PLEKHA7: variants seen among roughly 807,000 people sequenced by gnomAD.
PLEKHA7 encodes pleckstrin homology domain containing A7.
In PLEKHA7, 104 loss-of-function variants were observed where a neutral mutation model predicts 170.0. The observed-to-expected ratio is 0.61, with a 90% confidence interval of 0.52 to 0.72. PLEKHA7 has a LOEUF of 0.72. PLEKHA7 is among the 30% of genes least tolerant of loss of function. The pLI is 0.00. For synonymous variants in PLEKHA7, 648 were observed against 660.8 expected, an observed-to-expected ratio of 0.98 and a Z score of 0.30; for missense variants, 1,615 against 1,671.7, an observed-to-expected ratio of 0.97 and a Z score of 0.59.
At chr11:16,913,587 G>A (rs1413546284) in intron 3 of PLEKHA7, among the ~76,000 whole-genome samples, 4 of 152,212 alleles carry the variant, frequency 2.6e-5, no homozygotes, top group South Asian at 2.1e-4. Context: ...GAGGGGAAGC[G>A]ACAGCAGGTG....
Position 16,791,133 on chromosome 11 carries a change from C to T in PLEKHA7, c.2812G>A (p.Val938Met). The T allele has an allele frequency of 6.2e-7, 1 of 1,613,930 alleles. No individual in the cohort carries two copies. Among genetic ancestry groups the T allele is most frequent in the Middle Eastern group, 1.6e-4 (1 of 6,062 alleles). The change falls in exon 20 of 27, where the codon GTG becomes ATG. Residue 938 changes from valine (V) to methionine (M), a missense_variant. Coordinates refer to ENST00000531066, the MANE Select transcript of PLEKHA7 (RefSeq NM_001329630.2). The surrounding 1 kb of genome is among the most constrained non-coding windows in gnomAD (Gnocchi z 4.5). ...LYSPEDQPPA[V>M]PPLPREATII... Reference sequence around the variant, plus strand: ...GTGGCCTCTCTTGGCAGAGGCGGCACAGCCGGGGGCTGGTCCTCTGGGCTG... The same window carrying T: ...GTGGCCTCTCTTGGCAGAGGCGGCATAGCCGGGGGCTGGTCCTCTGGGCTG...
intron 2 of PLEKHA7, 22 bp downstream of exon 2, chr11:17,014,103 C>T (rs566394768): frequency 6.3e-7 from 1 of 1,590,700 alleles, no homozygotes; most frequent in Non-Finnish European, 8.5e-7. Context: ...GCGCGCCCCC[C>T]ACCCGCCGGC....
chr11:16,862,270 C>T (rs1484297421), intron 4 of PLEKHA7, among the ~76,000 whole-genome samples: 2 of 152,182 alleles, frequency 1.3e-5, no homozygotes, highest in East Asian at 3.9e-4. Flanking sequence ...CCCATAAGCA[C>T]TGTGTGCCGC....
chr11:16,824,858 C>A (rs392441), intron 10 of PLEKHA7, among the ~76,000 whole-genome samples: 1 of 152,048 alleles, frequency 6.6e-6, no homozygotes, highest in Admixed American at 6.5e-5. Flanking sequence ...TCAGCAGTAA[C>A]GTCATCTTAC....
chr11:16,802,782 A>G (rs1848685021), intron 15 of PLEKHA7, among the ~76,000 whole-genome samples, 190 bp downstream of exon 15: 1 of 152,122 alleles, frequency 6.6e-6, no homozygotes, highest in Admixed American at 6.5e-5. Flanking sequence ...TCCTGACCTC[A>G]TGATCCACCT....
At chr11:16,870,407 T>C (rs764684843) in intron 4 of PLEKHA7, among the ~76,000 whole-genome samples, 1 of 151,902 alleles carries the variant, frequency 6.6e-6, no homozygotes, top group Non-Finnish European at 1.5e-5. Context: ...GGCAGGAGGA[T>C]TGCTTCAGCT....
chr11:17,014,341 G>T lies in PLEKHA7; in HGVS notation c.61C>A (p.Arg21=), dbSNP rs753261123. The change falls in exon 1 of 27, where the codon CGG becomes AGG. Residue 21 remains arginine (R), a synonymous_variant. Transcript: ENST00000531066. The part of the protein sequence containing the change: ...LPEHWSYGVC[R]DGRVFFINDQ... ...TTGATGAAGAAGACGCGGCCATCCC[G>T]GCACACCCCGTAGGACCAATGCTCA... 5.0e-5 allele frequency: 73 copies of T among 1,449,916 alleles called. 1 individual carries two copies. The South Asian group carries it at 8.8e-4, about 18-fold the overall frequency. The allele number at this position is 1,449,916 out of a possible 1,614,324, so 89.8% of individuals were successfully genotyped here.
At chr11:16,862,002 C>T (rs1441010506) in intron 4 of PLEKHA7, among the ~76,000 whole-genome samples, 1 of 152,164 alleles carries the variant, frequency 6.6e-6, no homozygotes, top group South Asian at 2.1e-4. Flanking sequence ...TCCCTCCACA[C>T]CCCCTCTTCT....
At chr11:16,980,527 C>T (rs1863360784) in intron 3 of PLEKHA7, among the ~76,000 whole-genome samples, 1 of 152,200 alleles carries the variant, frequency 6.6e-6, no homozygotes, top group Admixed American at 6.5e-5. Flanking sequence ...CTCAGTAAGG[C>T]ATGGCGGATG....
At chr11:16,872,574 C>G (rs1259813216) in intron 3 of PLEKHA7, among the ~76,000 whole-genome samples, 1 of 152,068 alleles carries the variant, frequency 6.6e-6, no homozygotes, top group East Asian at 1.9e-4. Context: ...GGTGGGAATG[C>G]AGTGGGGTGA....
rs146136572 is a variant in PLEKHA7 at position 16,940,073 on chromosome 11, T to C, written c.222-68891A>G. ...AAGAAGGGTTAGCTGTGTGGATCTG[T>C]CTCCCTCTTCATAAACAATCAAAAC... On this transcript the variant is annotated intron_variant, in intron 3 of 26. Transcript: ENST00000531066. Among the ~76,000 whole-genome samples, 223 of 151,948 alleles carry C rather than the reference T, an allele frequency of 1.5e-3. 1 individual carries two copies. The highest frequency in any genetic ancestry group is 2.4e-3 in the Non-Finnish European group (162 of 67,930).
chr11:16,943,953 T>C (rs952955259), intron 3 of PLEKHA7, among the ~76,000 whole-genome samples: 1 of 152,182 alleles, frequency 6.6e-6, no homozygotes, highest in Non-Finnish European at 1.5e-5. Flanking sequence ...TGAAGAAGTT[T>C]AGGGGATGGG....
intron 8 of PLEKHA7, among the ~76,000 whole-genome samples, chr11:16,845,719 A>G (rs1275633088): frequency 6.6e-6 from 1 of 152,134 alleles, no homozygotes; most frequent in East Asian, 1.9e-4. Flanking sequence ...GTTTGGAAAG[A>G]CCACTCTGGC....
chr11:16,826,726 A>C, intron 9 of PLEKHA7, 136 bp from the exon 10 acceptor site: 1 of 779,518 alleles, frequency 1.3e-6, no homozygotes, highest in Non-Finnish European at 2.0e-6. Context: ...TCATGTCCTC[A>C]CTCTGCCTGC....
At chr11:16,961,854 C>A (rs889266015) in intron 3 of PLEKHA7, among the ~76,000 whole-genome samples, 1 of 152,160 alleles carries the variant, frequency 6.6e-6, no homozygotes, top group Non-Finnish European at 1.5e-5. Flanking sequence ...GTTTTCTCAC[C>A]TGTAAATTAG....
At chr11:16,803,795 C>T (rs185689917) in intron 13 of PLEKHA7, among the ~76,000 whole-genome samples, 26 of 152,248 alleles carry the variant, frequency 1.7e-4, no homozygotes, top group African/African-American at 6.0e-4. Context: ...AGCCCACTTC[C>T]CCGTGGGTAA....
intron 3 of PLEKHA7, among the ~76,000 whole-genome samples, chr11:16,971,289 T>A (rs1248634876): frequency 6.6e-6 from 1 of 152,222 alleles, no homozygotes; most frequent in Non-Finnish European, 1.5e-5. Context: ...TGCCAGCCTG[T>A]TCTGTAATTT....
chr11:16,781,335 T>G (rs113709890), intron 26 of PLEKHA7: 4 of 152,390 alleles, frequency 2.6e-5, no homozygotes, highest in African/African-American at 9.7e-5. Context: ...CCCTGGGAAC[T>G]GGCCGCAGCA....
rs748329583 is a variant in PLEKHA7 at position 16,783,775 on chromosome 11, T to C, written c.3575A>G (p.Glu1192Gly). 6.6e-7 allele frequency: 1 copy of C among 1,515,336 alleles called. No homozygotes were observed. Among genetic ancestry groups the C allele is most frequent in the South Asian group, 1.2e-5 (1 of 80,936 alleles). The allele number at this position is 1,515,336 out of a possible 1,614,324, so 93.9% of individuals were successfully genotyped here. ...PERYVELDPE[E>G]PPSLEELQAR... ...CTGCAGCTCCTCAAGGCTGGGTGGCTCTTCGGGATCTAGCTCCACGTAGCG... is the reference window on the plus strand; with the variant it reads ...CTGCAGCTCCTCAAGGCTGGGTGGCCCTTCGGGATCTAGCTCCACGTAGCG... Residue 1192 changes from glutamate (E) to glycine (G), a missense_variant, in exon 25 of 27, where the codon GAG becomes GGG. Transcript: ENST00000531066.
Sources: allele counts gnomAD v4.1 joint callset (sites outside exome capture counted in the v4.1 genomes callset), GRCh38; gene constraint gnomAD v4.1.1; non-coding constraint Gnocchi (gnomAD v3.1); transcripts MANE v1.5; gene names NCBI Gene and HGNC (gene_info 2026-07-23, HGNC 2026-07-21).